NTAQ1: variants seen among roughly 807,000 people sequenced by gnomAD.
NTAQ1 encodes the protein N-terminal glutamine amidase 1.
In NTAQ1, 21 loss-of-function variants were observed where a neutral mutation model predicts 28.2. The ratio of observed to expected loss-of-function variants is 0.74; its 90% CI spans 0.53 to 1.07. The LOEUF (loss-of-function observed/expected upper bound fraction) is 1.07. Ranked by LOEUF, NTAQ1 falls within the 50% of genes least tolerant of loss-of-function variation. The pLI is 0.00. For missense variants in NTAQ1, 264 were observed against 256.6 expected (o/e 1.03, Z -0.20); for synonymous variants, 105 against 90.0 (o/e 1.17, Z -0.94).
chr8:123,472,823 G>A (rs568820811), downstream of NTAQ1, among the ~76,000 whole-genome samples: 4 of 152,324 alleles, frequency 2.6e-5, no homozygotes, highest in South Asian at 4.1e-4. Flanking sequence ...GGCAGGGAGA[G>A]TAACTTGTCC....
intron 6 of NTAQ1, among the ~76,000 whole-genome samples, chr8:123,458,236 A>G (rs1815712286): frequency 1.2e-5 from 1 of 86,122 alleles, no homozygotes; most frequent in Non-Finnish European, 2.5e-5. Context: ...GTGCCTGGCT[A>G]ACTTTTTTTT....
At chr8:123,417,292 A>G (rs1458263164) in intron 1 of NTAQ1, among the ~76,000 whole-genome samples, 1 of 152,056 alleles carries the variant, frequency 6.6e-6, no homozygotes, top group Non-Finnish European at 1.5e-5. Flanking sequence ...ACTGAGGTGA[A>G]GGTCATTTTA....
At chr8:123,468,149 A>AGGG (rs1816001673) in exon 7 of NTAQ1, among the ~76,000 whole-genome samples, 1 of 152,212 alleles carries the variant, frequency 6.6e-6, no homozygotes, top group Non-Finnish European at 1.5e-5. Flanking sequence ...TGGCCCCCAA[A>AGGG]GGGGGTAGTG....
chr8:123,442,293 G>GC (rs929750717), downstream of NTAQ1: 32 of 144,988 alleles, frequency 2.2e-4, no homozygotes, highest in African/African-American at 7.6e-4. Context: ...TCTTAGATGA[G>GC]CTTTCTACTT....
At chr8:123,437,456 C>G (rs1016189455) in intron 5 of NTAQ1, 122 bp downstream of exon 5, 2 of 1,426,022 alleles carry the variant, frequency 1.4e-6, no homozygotes, top group Non-Finnish European at 1.9e-6. Context: ...TGAATCCCAG[C>G]ACTTTGGGAG....
intron 1 of NTAQ1, among the ~76,000 whole-genome samples, chr8:123,418,447 CAAAAA>C (rs11447317): frequency 1.6e-5 from 2 of 126,716 alleles, no homozygotes; most frequent in African/African-American, 5.8e-5. Flanking sequence ...GACTCCATCT[CAAAAA>C]AAAAAAAAAA....
In NTAQ1 at chr8:123,416,813, C is replaced by T. The variant is rs1321591574; in HGVS notation, c.-37C>T. On this transcript the variant is annotated 5_prime_UTR_variant, in exon 1 of 6. Transcript: ENST00000287387. ...CTTTCCTACGTCTGGTCCAGTCGGT[C>T]TTCCTCCGGCCCGGGCCCTGGCCCA... is the stretch of plus-strand genomic sequence containing the variant. 3 of 1,516,700 alleles carry T rather than the reference C, an allele frequency of 2.0e-6. No homozygotes were observed. The highest frequency in any genetic ancestry group is 1.4e-5 in the African/African-American group (1 of 70,196). 94.0% of individuals were successfully genotyped at this position (1,516,700 alleles called of 1,614,324 possible). A position where few individuals can be genotyped will look rare whatever the true frequency, so the allele number is the denominator to read the frequency against.
intron 1 of NTAQ1, among the ~76,000 whole-genome samples, chr8:123,418,118 A>G (rs991379691): frequency 2.0e-5 from 3 of 152,144 alleles, no homozygotes; most frequent in Non-Finnish European, 2.9e-5. Context: ...AAAATCGACA[A>G]ATTCCCTCAT....
downstream of NTAQ1, among the ~76,000 whole-genome samples, chr8:123,453,065 C>CA (rs1408028017): frequency 1.3e-5 from 2 of 152,204 alleles, no homozygotes; most frequent in Admixed American, 6.5e-5. Flanking sequence ...AATTGTGGGG[C>CA]AAGATGTTAA....
intron 6 of NTAQ1, among the ~76,000 whole-genome samples, chr8:123,454,683 A>G (rs1421316405): frequency 6.6e-6 from 1 of 152,186 alleles, no homozygotes; most frequent in African/African-American, 2.4e-5. Flanking sequence ...TCACTGGTTC[A>G]GAGCATCTAC....
intron 6 of NTAQ1, among the ~76,000 whole-genome samples, chr8:123,457,692 C>G (rs927242897): frequency 6.6e-6 from 1 of 151,994 alleles, no homozygotes; most frequent in Admixed American, 6.6e-5. Flanking sequence ...CATTGTGTAC[C>G]CTTTTGTGTT....
At chr8:123,444,091 CT>C (rs1443826316), downstream of NTAQ1, among the ~76,000 whole-genome samples, 4 of 147,032 alleles carry the variant, frequency 2.7e-5, no homozygotes, top group African/African-American at 1.0e-4. Context: ...GACAATTTTT[CT>C]TTTGAGGTCA....
chr8:123,438,346 G>A (rs1232458390), intron 5 of NTAQ1: 6 of 581,952 alleles, frequency 1.0e-5, no homozygotes, highest in African/African-American at 1.9e-5. Context: ...CAGAAAAATA[G>A]GGCAGTAGTG....
intron 3 of NTAQ1, among the ~76,000 whole-genome samples, chr8:123,430,504 G>A (rs905284257): frequency 5.9e-5 from 9 of 152,198 alleles, no homozygotes; most frequent in Non-Finnish European, 1.0e-4. Flanking sequence ...TAGGCCGGGC[G>A]CAGTGGCTCA....
chr8:123,437,175 C>T lies in NTAQ1; in HGVS notation c.384-35C>T, dbSNP rs1814768850. 5 of 1,603,752 alleles carry T rather than the reference C, an allele frequency of 3.1e-6. No individual in the cohort carries two copies. In the East Asian group the frequency reaches 9.0e-5, roughly 29 times the overall value. On this transcript the variant is annotated intron_variant, in intron 4 of 5. Transcript: ENST00000287387. Reference sequence around the variant, plus strand: ...GGAGTTAGAATTTCAAACATGACATCTCCCTAATGTGAGTGTATATTGATT... The same window carrying T: ...GGAGTTAGAATTTCAAACATGACATTTCCCTAATGTGAGTGTATATTGATT...
chr8:123,449,617 A>G (rs1815410780), downstream of NTAQ1, among the ~76,000 whole-genome samples: 1 of 151,928 alleles, frequency 6.6e-6, no homozygotes, highest in South Asian at 2.1e-4. Flanking sequence ...GAACTTCTAC[A>G]ATGTGTGGAA....
intron 6 of NTAQ1, among the ~76,000 whole-genome samples, chr8:123,454,630 C>A (rs3847177): frequency 0.019 from 2,828 of 152,264 alleles, 98 homozygotes; most frequent in African/African-American, 0.064. Flanking sequence ...GATGCACTCA[C>A]TTCTAGCCTT....
At chr8:123,434,939 A>G (rs932875514) in intron 3 of NTAQ1, among the ~76,000 whole-genome samples, 3 of 152,208 alleles carry the variant, frequency 2.0e-5, no homozygotes, top group Non-Finnish European at 2.9e-5. Flanking sequence ...AGACAGACTT[A>G]GAGCCAAAGG....
At chr8:123,436,401 G>C in intron 3 of NTAQ1, 52 bp from the exon 4 acceptor site, 1 of 1,573,388 alleles carries the variant, frequency 6.4e-7, no homozygotes, top group Non-Finnish European at 8.7e-7. Context: ...TGAATACTGG[G>C]ATTTCATCAT....
Sources: gnomAD v4.1 joint callset for allele counts (sites outside exome capture counted in the v4.1 genomes callset) on GRCh38, gnomAD v4.1.1 for gene constraint, MANE v1.5 for transcripts, NCBI Gene and HGNC (gene_info 2026-07-23, HGNC 2026-07-21) for gene names.